The following IDI2 variants were observed in gnomAD, a reference collection of about 807,000 sequenced individuals.
IDI2 encodes isopentenyl-diphosphate delta-isomerase 2.
In IDI2, 18 loss-of-function variants were observed where a neutral mutation model predicts 14.8. That is an observed-to-expected ratio of 1.22 (90% CI 0.84 to 1.80). IDI2 has a LOEUF of 1.80. Ranked by LOEUF, IDI2 falls within the 40% of genes most tolerant of loss-of-function variation. The pLI, the probability that IDI2 is intolerant of heterozygous loss-of-function variation, is 0.00. For synonymous variants in IDI2, 133 were observed against 109.6 expected, an observed-to-expected ratio of 1.21 and a Z score of -1.33; for missense variants, 316 against 283.2, an observed-to-expected ratio of 1.12 and a Z score of -0.83.
intron 1 of IDI2, among the ~76,000 whole-genome samples, chr10:1,025,010 C>CCACATACACA (rs1554818413): frequency 6.9e-6 from 1 of 145,058 alleles, no homozygotes. Context: ...CCCCGCCCCA[C>CCACATACACA]CACACACACA....
At position 1,020,853 on chromosome 10, in the gene IDI2, C is replaced by A; in HGVS notation, c.280G>T (p.Ala94Ser). 6.2e-7 allele frequency: 1 copy of A among 1,614,012 alleles called. No homozygotes were observed. Among genetic ancestry groups the A allele is most frequent in the Non-Finnish European group, 8.5e-7 (1 of 1,179,948 alleles). The change falls in exon 4 of 5, where the codon GCA becomes TCA. Residue 94 changes from alanine (A) to serine (S), a missense_variant. Coordinates refer to ENST00000277517, the MANE Select transcript of IDI2 (RefSeq NM_033261.3). ...SCSSHPLYNP[A>S]ELEEKDAIGV... ...ATGGCATCCTTTTCTTCCAGTTCTG[C>A]TGGGTTGTATAATGGGTGGCTACTA...
rs1421478438 is a variant in IDI2 at position 1,024,514 on chromosome 10, A to G, written c.142+68T>C. ...CCGGAAAGGCCTAGACTCTCTTCTT[A>G]GGTTGCCGTCGGGTGGGAAAAATGG... is the stretch of plus-strand genomic sequence containing the variant. On this transcript the variant is annotated intron_variant, in intron 2 of 4. Coordinates refer to ENST00000277517, the MANE Select transcript of IDI2 (RefSeq NM_033261.3). 4 of 1,562,156 alleles carry G rather than the reference A, an allele frequency of 2.6e-6. No individual in the cohort carries two copies. In the African/African-American group the frequency reaches 5.5e-5, roughly 21 times the overall value.
At chr10:1,025,628 A>G (rs996787007) in intron 1 of IDI2, among the ~76,000 whole-genome samples, 188 bp downstream of exon 1, 1 of 152,024 alleles carries the variant, frequency 6.6e-6, no homozygotes, top group Non-Finnish European at 1.5e-5. Context: ...AAAAAAATGC[A>G]TTCACGTCTG....
In IDI2 at chr10:1,019,532, T is replaced by G. The variant is rs1235127260; in HGVS notation, c.669A>C (p.Lys223Asn). ...DDVTPFVELHKIHRV is the reference protein window; with the variant it reads ...DDVTPFVELHNIHRV ...TCCCTGCCTCTCACACTCTGTGTAT[T>G]TTGTGAAGCTCCACAAACGGGGTCA... Residue 223 changes from lysine (K) to asparagine (N), a missense_variant, in exon 5 of 5, where the codon AAA becomes AAC. Transcript: ENST00000277517. The G allele has an allele frequency of 6.2e-7, 1 of 1,612,974 alleles. No homozygotes were observed. Among genetic ancestry groups the G allele is most frequent in the Non-Finnish European group, 8.5e-7 (1 of 1,179,204 alleles).
At position 1,022,830 on chromosome 10, in the gene IDI2, C is replaced by G. The variant is rs190380802; in HGVS notation, c.143-55G>C. On this transcript the variant is annotated intron_variant, in intron 2 of 4. Coordinates refer to ENST00000277517, the MANE Select transcript of IDI2 (RefSeq NM_033261.3). Reference sequence around the variant, plus strand: ...GCATGCCTGGAGTCTGTACGATTGTCCTTCGTGCTTTTTGTCCTCAGTCTG... The same window carrying G: ...GCATGCCTGGAGTCTGTACGATTGTGCTTCGTGCTTTTTGTCCTCAGTCTG... 4.8e-4 allele frequency: 650 copies of G among 1,344,278 alleles called. 5 individuals carry two copies. In the African/African-American group the frequency reaches 8.6e-3, roughly 18 times the overall value. 83.3% of individuals were successfully genotyped at this position (1,344,278 alleles called of 1,614,324 possible). A position where few individuals can be genotyped will look rare whatever the true frequency, so the allele number is the denominator to read the frequency against.
At chr10:1,024,493 A>C in intron 2 of IDI2, 89 bp downstream of exon 2, 1 of 1,453,830 alleles carries the variant, frequency 6.9e-7, no homozygotes, top group Non-Finnish European at 9.4e-7. Context: ...TCCTAGCCGG[A>C]AAGGCCTAGA....
intron 1 of IDI2, among the ~76,000 whole-genome samples, chr10:1,025,204 T>C (rs1306267548): frequency 6.6e-6 from 1 of 152,154 alleles, no homozygotes; most frequent in Non-Finnish European, 1.5e-5. Context: ...GCTATGGTCC[T>C]CTTCAGAGCC....
chr10:1,025,051 C>CACACACACACACACACAA (rs1171753367), intron 1 of IDI2, among the ~76,000 whole-genome samples: 2 of 137,880 alleles, frequency 1.5e-5, no homozygotes. Context: ...CACACACACA[C>CACACACACACACACACAA]AAAACACACC....
intron 1 of IDI2, among the ~76,000 whole-genome samples, chr10:1,024,954 T>C (rs1283891976): frequency 6.6e-6 from 1 of 151,422 alleles, no homozygotes; most frequent in Non-Finnish European, 1.5e-5. Context: ...GGTACATACA[T>C]ACTCCTCATG....
intron 2 of IDI2, 63 bp from the exon 3 acceptor site, chr10:1,022,838 C>T: frequency 1.6e-6 from 2 of 1,259,554 alleles, no homozygotes; most frequent in Non-Finnish European, 1.2e-6. Context: ...GTCCTTCGTG[C>T]TTTTTGTCCT....
chr10:1,019,228 T>A lies in IDI2; in HGVS notation c.*289A>T, dbSNP rs1434085318. ...GGACTCTCAAGATCTCCCCAAGACTTTCAGGATCAGCTGCTGTTAATCAAA... is the reference window on the plus strand; with the variant it reads ...GGACTCTCAAGATCTCCCCAAGACTATCAGGATCAGCTGCTGTTAATCAAA... On this transcript the variant is annotated 3_prime_UTR_variant, in exon 5 of 5. Coordinates refer to ENST00000277517, the MANE Select transcript of IDI2 (RefSeq NM_033261.3). 4.0e-5 allele frequency: 13 copies of A among 321,786 alleles called. No homozygotes were observed. Among genetic ancestry groups the A allele is most frequent in the Admixed American group, 4.7e-5 (1 of 21,368 alleles). 19.9% of individuals were successfully genotyped at this position (321,786 alleles called of 1,614,324 possible).
intron 2 of IDI2, 60 bp from the exon 3 acceptor site, chr10:1,022,835 G>T (rs897125558): frequency 7.7e-7 from 1 of 1,293,532 alleles, no homozygotes; most frequent in South Asian, 1.2e-5. Context: ...ATTGTCCTTC[G>T]TGCTTTTTGT....
intron 2 of IDI2, among the ~76,000 whole-genome samples, chr10:1,023,475 CAAAA>C (rs1167849191): frequency 5.3e-5 from 4 of 76,180 alleles, no homozygotes; most frequent in African/African-American, 9.3e-5. Context: ...GACTCTGTCT[CAAAA>C]AAAAAAAAAA....
chr10:1,020,011 TG>T, intron 4 of IDI2, 177 bp from the exon 5 acceptor site: 1 of 609,092 alleles, frequency 1.6e-6, no homozygotes, highest in Non-Finnish European at 2.9e-6. Context: ...CAAGTCTGAA[TG>T]ATAAACCGGC....
In IDI2 at chr10:1,024,598, G is replaced by A. The variant is rs149209894; in HGVS notation, c.126C>T (p.Asn42=). Residue 42 remains asparagine, a synonymous_variant, in exon 2 of 5, where the codon AAC becomes AAT. Coordinates refer to ENST00000277517, the MANE Select transcript of IDI2 (RefSeq NM_033261.3). Reference sequence around the variant, plus strand: ...GGGGGCTACCTTTCTCAATGTTTTCGTTCAGATGGCAATTCCTCTTGGTGT... The same window carrying A: ...GGGGGCTACCTTTCTCAATGTTTTCATTCAGATGGCAATTCCTCTTGGTGT... ...GADTKRNCHL[N]ENIEKGLLHR... is the part of the protein sequence containing the mutation. 3.3e-5 allele frequency: 54 copies of A among 1,613,940 alleles called. 1 individual carries two copies. Among genetic ancestry groups the A allele is most frequent in the Admixed American group, 2.7e-4 (16 of 59,990 alleles).
intron 3 of IDI2, among the ~76,000 whole-genome samples, chr10:1,021,248 G>A (rs563445314): frequency 1.3e-5 from 2 of 152,360 alleles, no homozygotes; most frequent in South Asian, 4.1e-4. Context: ...AGATGCCATG[G>A]GGTGGCGGGA....
intron 3 of IDI2, 43 bp downstream of exon 3, chr10:1,022,640 T>G: frequency 5.2e-3 from 7,232 of 1,392,874 alleles, no homozygotes; most frequent in Non-Finnish European, 6.8e-3. Context: ...TCAAGTCACA[T>G]GAGATGCTCT....
In IDI2 at chr10:1,019,697, C is replaced by T. The variant is rs267602352; in HGVS notation, c.504G>A (p.Thr168=). The change falls in exon 5 of 5, where the codon ACG becomes ACA. Residue 168 remains threonine, a synonymous_variant. Coordinates refer to ENST00000277517, the MANE Select transcript of IDI2 (RefSeq NM_033261.3). ...CCTGGGACAGGTAGAGGATGCTTTTCGTTTCACTGGGATCCGGGTTCAGAG... is the reference window on the plus strand; with the variant it reads ...CCTGGGACAGGTAGAGGATGCTTTTTGTTTCACTGGGATCCGGGTTCAGAG... ...NVTLNPDPSE[T]KSILYLSQEE... The T allele has an allele frequency of 5.6e-5, 91 of 1,613,894 alleles. No individual in the cohort carries two copies. The Middle Eastern group carries it at 9.9e-4, about 17-fold the overall frequency.
chr10:1,025,264 G>A (rs778653861), intron 1 of IDI2, among the ~76,000 whole-genome samples: 14 of 152,130 alleles, frequency 9.2e-5, no homozygotes, highest in Non-Finnish European at 1.6e-4. Context: ...TCAGGGCCAG[G>A]AGCGGTGGCT....
Sources: gnomAD v4.1 joint callset for allele counts (sites outside exome capture counted in the v4.1 genomes callset) on GRCh38, gnomAD v4.1.1 for gene constraint, MANE v1.5 for transcripts, NCBI Gene and HGNC (gene_info 2026-07-23, HGNC 2026-07-21) for gene names.